LTBP4: variants seen among roughly 807,000 people sequenced by gnomAD.
LTBP4 encodes latent transforming growth factor beta binding protein 4.
A neutral mutation model predicts 180.2 loss-of-function variants in LTBP4; 93 were observed. The observed-to-expected ratio is 0.52, with a 90% CI of 0.44 to 0.61. The LOEUF (loss-of-function observed/expected upper bound fraction) is 0.61, where lower values mean the gene tolerates loss of function less well. Ranked by LOEUF, LTBP4 falls within the 20% of genes least tolerant of loss-of-function variation. The pLI is 0.00. For missense variants in LTBP4, 2,116 were observed against 2,256.5 expected, an observed-to-expected ratio of 0.94 and a Z score of 1.26; for synonymous variants, 947 against 934.5, an observed-to-expected ratio of 1.01 and a Z score of -0.24.
rs891076220 is a variant in LTBP4, at chr19:40,629,124, C to T, written c.4520-272C>T. Among the ~76,000 whole-genome samples, 2 of 152,182 alleles carry T rather than the reference C, an allele frequency of 1.3e-5. No individual in the cohort carries two copies. The highest frequency in any genetic ancestry group is 2.9e-5 in the Non-Finnish European group (2 of 68,024). On this transcript the variant is annotated intron_variant, in intron 29 of 29. Transcript: ENST00000396819. The surrounding 1 kb of genome is among the most constrained non-coding windows in gnomAD (Gnocchi z 4.5). ...TCAGCCTCCCAAAGTGCTGAGATTA[C>T]AGGCATGAGCCACCGCGCCCGGCCA...
At chr19:40,597,185 G>T, upstream of LTBP4, 1 of 1,364,994 alleles carries the variant, frequency 7.3e-7, no homozygotes, top group South Asian at 1.8e-5. Flanking sequence ...GGGCTAGCCT[G>T]ACCCGCTGGA....
intron 26 of LTBP4, among the ~76,000 whole-genome samples, chr19:40,624,395 T>A (rs909167737): frequency 6.6e-6 from 1 of 152,274 alleles, no homozygotes; most frequent in Non-Finnish European, 1.5e-5. Context: ...TATTTAATTT[T>A]ATTTATTTAT....
At chr19:40,628,470 C>T (rs1038537209) in intron 29 of LTBP4, among the ~76,000 whole-genome samples, 12 of 152,064 alleles carry the variant, frequency 7.9e-5, no homozygotes, top group East Asian at 1.9e-4. Context: ...GCCAAGATCG[C>T]GCCATTGCAC....
rs373809769 is a variant in LTBP4, at chr19:40,606,214, C to T, written c.794-19C>T. 2 of 1,572,616 alleles carry T rather than the reference C, an allele frequency of 1.3e-6. No homozygotes were observed. The highest frequency in any genetic ancestry group is 8.6e-7 in the Non-Finnish European group (1 of 1,158,032). ...CTCTGCCCACCTGTCCCTGGCCCACCCCTCTCCTCTCGCCACAGGGAACTC... is the reference window on the plus strand; with the variant it reads ...CTCTGCCCACCTGTCCCTGGCCCACTCCTCTCCTCTCGCCACAGGGAACTC... On this transcript the variant is annotated intron_variant, in intron 4 of 29. Transcript: ENST00000396819.
chr19:40,606,251 G>A lies in LTBP4; in HGVS notation c.812G>A (p.Ser271Asn). 6.3e-7 allele frequency: 1 copy of A among 1,593,332 alleles called. No homozygotes were observed. Among genetic ancestry groups the A allele is most frequent in the African/African-American group, 1.3e-5 (1 of 74,668 alleles). The change falls in exon 5 of 30, where the codon AGC becomes AAC. Residue 271 changes from serine (S) to asparagine (N), a missense_variant. Ser to Asn is a conservative substitution (Grantham distance 46, BLOSUM62 1). Transcript: ENST00000396819. ...SERLGNSERVSAPDGPCPTGF... is the reference protein window; with the variant it reads ...SERLGNSERVNAPDGPCPTGF... ...GCCACAGGGAACTCCGAAAGAGTGAGCGCCCCAGATGGACCTTGTCCAACC... is the reference window on the plus strand; with the variant it reads ...GCCACAGGGAACTCCGAAAGAGTGAACGCCCCAGATGGACCTTGTCCAACC...
rs1194936643 is a variant in LTBP4, at chr19:40,608,523, C to T, written c.1346C>T (p.Pro449Leu). ...PTHRLEPRPE[P>L]RPDPRPGPEL... ...CATCGCCTGGAGCCCCGGCCTGAAC[C>T]CCGGCCCGATCCCCGGCCCGGCCCT... Residue 449 changes from proline (P) to leucine (L), a missense_variant, in exon 9 of 30, where the codon CCC becomes CTC. Physicochemically the swap from Pro to Leu is moderately conservative, Grantham distance 98. Coordinates refer to ENST00000396819, the MANE Select transcript of LTBP4 (RefSeq NM_001042545.2). 6.2e-7 allele frequency: 1 copy of T among 1,605,780 alleles called. No individual in the cohort carries two copies. The highest frequency in any genetic ancestry group is 1.7e-5 in the Admixed American group (1 of 58,878).
intron 6 of LTBP4, among the ~76,000 whole-genome samples, chr19:40,607,059 C>A (rs913438043): frequency 3.3e-5 from 5 of 152,130 alleles, no homozygotes; most frequent in Non-Finnish European, 5.9e-5. Context: ...CTCTCCCAGA[C>A]TTTCTGGAAT....
intron 26 of LTBP4, among the ~76,000 whole-genome samples, chr19:40,625,474 TCC>T (rs2081627295): frequency 6.6e-6 from 1 of 151,052 alleles, no homozygotes; most frequent in African/African-American, 2.4e-5. Context: ...TTGCCCACTG[TCC>T]CAACCACTCT....
At chr19:40,606,576 A>G (rs1277450792) in intron 6 of LTBP4, 50 bp downstream of exon 6, 30 of 1,532,296 alleles carry the variant, frequency 2.0e-5, no homozygotes, top group East Asian at 2.5e-5. Flanking sequence ...CCCTGCCCTC[A>G]GAAGTCCCAG....
Position 40,605,450 on chromosome 19 carries a change from C to G in LTBP4, c.488C>G (p.Ala163Gly). The change falls in exon 3 of 30, where the codon GCG becomes GGG. Residue 163 changes from alanine to glycine, a missense_variant. Coordinates refer to ENST00000396819, the MANE Select transcript of LTBP4 (RefSeq NM_001042545.2). The surrounding 1 kb of genome is among the most constrained non-coding windows in gnomAD (Gnocchi z 5.5). ...GTCCACGTGGAGCACCCGCAGGAGG[C>G]GTCGGTGGTGGTGCACCAGGTGGAG... ...VSVHVEHPQEASVVVHQVERV... is the reference protein window; with the variant it reads ...VSVHVEHPQEGSVVVHQVERV... 1.2e-6 allele frequency: 2 copies of G among 1,612,714 alleles called. No homozygotes were observed. The highest frequency in any genetic ancestry group is 1.7e-6 in the Non-Finnish European group (2 of 1,179,854).
chr19:40,598,130 G>T (rs1287152290), upstream of LTBP4, among the ~76,000 whole-genome samples: 2 of 94,684 alleles, frequency 2.1e-5, no homozygotes, highest in Non-Finnish European at 4.3e-5. Flanking sequence ...CACCCTCCCC[G>T]CCTGGCGGCC....
intron 22 of LTBP4, among the ~76,000 whole-genome samples, chr19:40,620,539 G>T (rs1162632894): frequency 6.6e-6 from 1 of 151,790 alleles, no homozygotes; most frequent in Non-Finnish European, 1.5e-5. Flanking sequence ...TCTCTGGGAG[G>T]CCAAGGCGGG....
rs1057519111 is a variant in LTBP4, at chr19:40,611,178, G to A, written c.1837G>A (p.Gly613Ser). Residue 613 changes from glycine to serine, a missense_variant, in exon 13 of 30, where the codon GGC becomes AGC. By Grantham distance (56) the Gly-to-Ser change is moderately conservative. This residue lies in a region of LTBP4 where 877 missense variants were observed against 873.6 expected (regional missense o/e 1.00). Transcript: ENST00000396819. This position sits in a 1 kb window ranked among gnomAD's most constrained non-coding sequence, Gnocchi z 4.4. Reference protein sequence around the residue: ...QDVDECTQSPGLCGRGACKNL... With the variant: ...QDVDECTQSPSLCGRGACKNL... ...TGTGGATGAATGCACCCAGAGCCCA[G>A]GCCTGTGTGGCCGAGGGGCCTGCAA... 1 of 1,613,534 alleles carries A rather than the reference G, an allele frequency of 6.2e-7. No individual in the cohort carries two copies. The highest frequency in any genetic ancestry group is 8.5e-7 in the Non-Finnish European group (1 of 1,179,756).
chr19:40,614,734 T>C (rs2081534684), intron 19 of LTBP4, among the ~76,000 whole-genome samples: 1 of 151,956 alleles, frequency 6.6e-6, no homozygotes, highest in African/African-American at 2.4e-5. Context: ...CCAAAACTGT[T>C]AGGCCCCGCC....
intron 1 of LTBP4, among the ~76,000 whole-genome samples, chr19:40,603,559 C>T (rs1372182090): frequency 6.6e-6 from 1 of 152,220 alleles, no homozygotes; most frequent in African/African-American, 2.4e-5. Context: ...AGCTAGGTTC[C>T]TCCATCCCAG....
Position 40,613,112 on chromosome 19 carries a change from C to T in LTBP4, c.2347C>T (p.His783Tyr). The T allele has an allele frequency of 6.2e-7, 1 of 1,608,168 alleles. No homozygotes were observed. The highest frequency in any genetic ancestry group is 8.5e-7 in the Non-Finnish European group (1 of 1,177,464). ...SGAPPCGPHG[H>Y]CTNTEGSFRC... Reference sequence around the variant, plus strand: ...TGCCCCTCCCTGTGGTCCCCACGGCCACTGCACTAACACCGAAGGCTCCTT... The same window carrying T: ...TGCCCCTCCCTGTGGTCCCCACGGCTACTGCACTAACACCGAAGGCTCCTT... Residue 783 changes from histidine (H) to tyrosine (Y), a missense_variant, in exon 16 of 30, where the codon CAC (histidine) becomes TAC (tyrosine). This residue lies in a region of LTBP4 where 877 missense variants were observed against 873.6 expected (regional missense o/e 1.00). Coordinates refer to ENST00000396819, the MANE Select transcript of LTBP4 (RefSeq NM_001042545.2). The surrounding 1 kb of genome is among the most constrained non-coding windows in gnomAD (Gnocchi z 5.0).
At chr19:40,624,141 C>A in intron 26 of LTBP4, 59 bp downstream of exon 26, 1 of 1,456,168 alleles carries the variant, frequency 6.9e-7, no homozygotes, top group Non-Finnish European at 9.1e-7. Context: ...ACACCCGCAC[C>A]CGGGCCACAC....
intron 26 of LTBP4, among the ~76,000 whole-genome samples, chr19:40,624,692 C>G (rs984179879): frequency 2.0e-5 from 3 of 152,124 alleles, no homozygotes; most frequent in Admixed American, 6.5e-5. Flanking sequence ...AGCCACCACA[C>G]CTGGCTGATG....
At chr19:40,619,276 C>A in intron 21 of LTBP4, 71 bp from the exon 22 acceptor site, 1 of 1,506,054 alleles carries the variant, frequency 6.6e-7, no homozygotes. Flanking sequence ...AAAGCTGAGA[C>A]TTTCGGACCT....
Sources: allele counts gnomAD v4.1 joint callset (sites outside exome capture counted in the v4.1 genomes callset), GRCh38; gene constraint gnomAD v4.1.1; regional missense constraint gnomAD v4.1.1; non-coding constraint Gnocchi (gnomAD v3.1); transcripts MANE v1.5; gene names NCBI Gene and HGNC (gene_info 2026-07-23, HGNC 2026-07-21).